The following CDH23 variants were observed in gnomAD, a reference collection of about 807,000 sequenced individuals.
CDH23 encodes cadherin-23.
Under a neutral mutation model 317.1 loss-of-function variants are expected in CDH23, and 189 were observed. That is an observed-to-expected ratio of 0.60 (90% confidence interval 0.53 to 0.67). The LOEUF is 0.67. CDH23 is among the 30% of genes least tolerant of loss of function. CDH23 has a pLI of 0.00. For synonymous variants in CDH23, 1,839 were observed against 1,876.8 expected (o/e 0.98, Z 0.52); for missense variants, 4,401 against 4,592.4 (o/e 0.96, Z 1.20).
In CDH23 at chr10:71,601,961, A is replaced by AGG. The variant is rs35774888; in HGVS notation, c.833-13534_833-13533dup. ...AGGGCCTGGGCTGGGTGGGCGGCGG[A>AGG]GGGGGGGGGGCTCTGCAGCCCCCAG... On this transcript the variant is annotated intron_variant, in intron 9 of 69. Coordinates refer to ENST00000224721, the MANE Select transcript of CDH23 (RefSeq NM_022124.6). 1.3e-3 allele frequency among the ~76,000 whole-genome samples: 177 copies of AGG among 140,054 alleles called. 2 individuals are homozygous for AGG. Among genetic ancestry groups the AGG allele is most frequent in the Middle Eastern group, 3.5e-3 (1 of 286 alleles). The allele number at this position is 140,054 out of a possible 152,430, so 91.9% of individuals were successfully genotyped here.
intron 14 of CDH23, among the ~76,000 whole-genome samples, chr10:71,653,281 C>T (rs1402465017): frequency 2.0e-5 from 3 of 152,204 alleles, no homozygotes; most frequent in Non-Finnish European, 4.4e-5. Flanking sequence ...GATGTCATTG[C>T]CCTGGGCTGG....
chr10:71,409,378 G>A (rs1288998988), intron 1 of CDH23, among the ~76,000 whole-genome samples: 1 of 152,158 alleles, frequency 6.6e-6, no homozygotes, highest in African/African-American at 2.4e-5. Context: ...TAAACTCATT[G>A]TTTAAGAGCA....
At chr10:71,424,051 G>A (rs1360225889) in intron 1 of CDH23, among the ~76,000 whole-genome samples, 2 of 152,268 alleles carry the variant, frequency 1.3e-5, no homozygotes, top group South Asian at 2.1e-4. Flanking sequence ...GCAAGAGGAC[G>A]CTTGGGTGGA....
intron 6 of CDH23, among the ~76,000 whole-genome samples, chr10:71,523,885 C>G (rs1854857612): frequency 6.6e-6 from 1 of 152,210 alleles, no homozygotes; most frequent in Non-Finnish European, 1.5e-5. Context: ...AAGATTCTTT[C>G]CCCTGCTCTT....
chr10:71,573,449 C>T (rs1857955925), intron 8 of CDH23, among the ~76,000 whole-genome samples: 2 of 152,218 alleles, frequency 1.3e-5, no homozygotes, highest in Admixed American at 1.3e-4. Context: ...CGGCTGGTCC[C>T]ATGTGCAGGC....
At chr10:71,814,802 C>A in intron 69 of CDH23, 150 bp from the exon 70 acceptor site, 1 of 892,524 alleles carries the variant, frequency 1.1e-6, no homozygotes, top group Non-Finnish European at 1.7e-6. Flanking sequence ...CATGATTCCC[C>A]TTTGCAGGCA....
intron 6 of CDH23, among the ~76,000 whole-genome samples, chr10:71,551,627 G>A (rs141654478): frequency 2.6e-5 from 4 of 152,232 alleles, no homozygotes; most frequent in African/African-American, 7.2e-5. Flanking sequence ...CTTCCAGCAG[G>A]GAGCACCCAG....
At chr10:71,548,106 G>A (rs1431053852) in intron 6 of CDH23, among the ~76,000 whole-genome samples, 1 of 152,198 alleles carries the variant, frequency 6.6e-6, no homozygotes, top group African/African-American at 2.4e-5. Context: ...AGTGCTTTTT[G>A]CCCTGACGTT....
chr10:71,544,307 G>A (rs1451968860), intron 6 of CDH23, among the ~76,000 whole-genome samples: 1 of 152,188 alleles, frequency 6.6e-6, no homozygotes, highest in East Asian at 1.9e-4. Flanking sequence ...AGAGTGGGCG[G>A]AAAACAACTC....
At chr10:71,660,064 G>A (rs1337262054) in intron 14 of CDH23, among the ~76,000 whole-genome samples, 6 of 146,584 alleles carry the variant, frequency 4.1e-5, no homozygotes, top group Non-Finnish European at 8.9e-5. Context: ...TGGTTCAAAC[G>A]ATTCTCCTGC....
chr10:71,573,610 T>C (rs1292354740), intron 8 of CDH23, among the ~76,000 whole-genome samples: 1 of 152,236 alleles, frequency 6.6e-6, no homozygotes, highest in East Asian at 1.9e-4. Flanking sequence ...TTCTCCTCTC[T>C]CAGACGCAAG....
At chr10:71,678,352 C>T (rs1462894811) in intron 16 of CDH23, among the ~76,000 whole-genome samples, 1 of 152,152 alleles carries the variant, frequency 6.6e-6, no homozygotes, top group Non-Finnish European at 1.5e-5. Context: ...AAGACATAGT[C>T]GGGTAGCAGA....
intron 31 of CDH23, among the ~76,000 whole-genome samples, chr10:71,731,439 C>G (rs944749103): frequency 6.6e-6 from 1 of 152,194 alleles, no homozygotes; most frequent in Non-Finnish European, 1.5e-5. Flanking sequence ...GCGGCTGTGG[C>G]CCCTTGAGGT....
chr10:71,698,729 T>C (rs1865482089), intron 22 of CDH23, among the ~76,000 whole-genome samples: 1 of 152,198 alleles, frequency 6.6e-6, no homozygotes, highest in Admixed American at 6.5e-5. Flanking sequence ...CTGACTACTG[T>C]CTAAAGTAGC....
intron 11 of CDH23, among the ~76,000 whole-genome samples, chr10:71,623,607 A>C (rs1861570425): frequency 6.6e-6 from 1 of 152,124 alleles, no homozygotes; most frequent in Non-Finnish European, 1.5e-5. Context: ...AAAGGAGTGA[A>C]GTCTCCCACA....
intron 17 of CDH23, among the ~76,000 whole-genome samples, chr10:71,681,959 G>C (rs750517367): frequency 1.3e-5 from 2 of 152,176 alleles, no homozygotes; most frequent in Non-Finnish European, 2.9e-5. Flanking sequence ...GTGACAGGGA[G>C]GCCTGGAGGG....
intron 6 of CDH23, among the ~76,000 whole-genome samples, chr10:71,555,534 C>G (rs12242893): frequency 0.071 from 10,851 of 152,270 alleles, 570 homozygotes; most frequent in African/African-American, 0.14. Flanking sequence ...GCCACGTGCT[C>G]TCTCCCTCTG....
At chr10:71,679,544 C>T (rs1295971858) in intron 17 of CDH23, 52 bp downstream of exon 17, 6 of 1,346,544 alleles carry the variant, frequency 4.5e-6, no homozygotes, top group East Asian at 2.4e-5. Flanking sequence ...CTGGGGGGCT[C>T]TCTGCACTCA....
At chr10:71,439,431 C>T (rs1340165300) in intron 1 of CDH23, among the ~76,000 whole-genome samples, 1 of 152,176 alleles carries the variant, frequency 6.6e-6, no homozygotes, top group African/African-American at 2.4e-5. Context: ...CTCAGGATAA[C>T]CAGGCTCTGT....
Sources: allele counts gnomAD v4.1 joint callset (sites outside exome capture counted in the v4.1 genomes callset), GRCh38; gene constraint gnomAD v4.1.1; transcripts MANE v1.5; gene names NCBI Gene and HGNC (gene_info 2026-07-23, HGNC 2026-07-21).